KIF18A: variants seen among roughly 807,000 people sequenced by gnomAD.
The protein encoded by KIF18A is kinesin family member 18A.
A neutral mutation model predicts 103.3 loss-of-function variants in KIF18A; 67 were observed. That is an observed-to-expected ratio of 0.65 (90% confidence interval 0.53 to 0.79). KIF18A has a LOEUF of 0.79. Among genes scored for constraint, KIF18A ranks in the 30% least tolerant of loss-of-function variants. The pLI is 0.00. For missense variants in KIF18A, 1,032 were observed against 1,062.5 expected (o/e 0.97, Z 0.40); for synonymous variants, 367 against 355.5 (o/e 1.03, Z -0.36).
chr11:28,105,396 GCTTA>G (rs1851491076), intron 1 of KIF18A, among the ~76,000 whole-genome samples: 1 of 152,004 alleles, frequency 6.6e-6, no homozygotes. Context: ...TATATATATT[GCTTA>G]CTTTTTTAGA....
chr11:28,083,944 G>A (rs1029697030), intron 7 of KIF18A, among the ~76,000 whole-genome samples: 59 of 152,044 alleles, frequency 3.9e-4, no homozygotes, highest in African/African-American at 1.2e-3. Flanking sequence ...AGAGGGGAAA[G>A]GGAGAAGAGG....
At chr11:28,061,583 A>G (rs1850856637) in intron 12 of KIF18A, among the ~76,000 whole-genome samples, 1 of 152,176 alleles carries the variant, frequency 6.6e-6, no homozygotes, top group East Asian at 1.9e-4. Flanking sequence ...AGGAATAGAC[A>G]CAGAAAGTAT....
At chr11:28,031,273 T>C (rs949578536) in intron 15 of KIF18A, among the ~76,000 whole-genome samples, 3 of 152,014 alleles carry the variant, frequency 2.0e-5, no homozygotes, top group Admixed American at 6.6e-5. Context: ...CAAAGACTTG[T>C]ACCCAATCCA....
At chr11:28,076,953 AAAG>A in intron 10 of KIF18A, 51 bp downstream of exon 10, 4 of 911,224 alleles carry the variant, frequency 4.4e-6, no homozygotes, top group South Asian at 2.0e-5. Flanking sequence ...AAAAAAAAAA[AAAG>A]CCCCCATGTT....
intron 2 of KIF18A, among the ~76,000 whole-genome samples, chr11:28,096,093 G>A (rs1472425707): frequency 1.5e-5 from 2 of 136,810 alleles, no homozygotes; most frequent in Admixed American, 7.8e-5. Flanking sequence ...AATCAGTTAA[G>A]GCAATAACTT....
chr11:28,083,420 T>A (rs1163368762), intron 7 of KIF18A, among the ~76,000 whole-genome samples, 177 bp from the exon 8 acceptor site: 1 of 152,102 alleles, frequency 6.6e-6, no homozygotes, highest in Admixed American at 6.6e-5. Context: ...ATAATGTAAA[T>A]GAAATTATAA....
At position 28,077,061 on chromosome 11, in the gene KIF18A, T is replaced by A. The variant is rs1335161872; in HGVS notation, c.1371A>T (p.Gln457His). 1.3e-6 allele frequency: 2 copies of A among 1,579,206 alleles called. No homozygotes were observed. Among genetic ancestry groups the A allele is most frequent in the Non-Finnish European group, 1.7e-6 (2 of 1,164,460 alleles). Residue 457 changes from glutamine to histidine, a missense_variant, in exon 10 of 17, where the codon CAA (glutamine) becomes CAT (histidine). Coordinates refer to ENST00000263181, the MANE Select transcript of KIF18A (RefSeq NM_031217.4). ...TTTCTATTTGTTTATGGCACTGTTG[T>A]TGGTAGAATGATTTAAGTTCATTTT... ...LKENELKSFY[Q>H]QQCHKQIEMM...
chr11:28,020,666 T>C lies in KIF18A; in HGVS notation c.*534A>G, dbSNP rs1850226709. ...ATATATCAAGTAGCAAGGGACAATA[T>C]TTTATTTGTGATGACTAAATAATAT... is the stretch of plus-strand genomic sequence containing the variant. On this transcript the variant is annotated 3_prime_UTR_variant, in exon 17 of 17. Transcript: ENST00000263181. The C allele has an allele frequency of 6.6e-6, 1 of 152,058 alleles. No homozygotes were observed. Among genetic ancestry groups the C allele is most frequent in the Non-Finnish European group, 1.5e-5 (1 of 67,992 alleles). The allele number at this position is 152,058 out of a possible 1,614,324, so 9.4% of individuals were successfully genotyped here.
chr11:28,067,994 A>G (rs1850957241), intron 11 of KIF18A, among the ~76,000 whole-genome samples: 1 of 152,210 alleles, frequency 6.6e-6, no homozygotes, highest in African/African-American at 2.4e-5. Context: ...GCTATTTACA[A>G]TAGCAAAGAC....
At chr11:28,042,410 A>G (rs1464796031) in intron 13 of KIF18A, among the ~76,000 whole-genome samples, 1 of 151,960 alleles carries the variant, frequency 6.6e-6, no homozygotes, top group Admixed American at 6.6e-5. Flanking sequence ...AGACAGTTCC[A>G]GGCATAGACA....
At chr11:28,044,898 TAAA>T (rs1244074677) in intron 13 of KIF18A, among the ~76,000 whole-genome samples, 3 of 151,946 alleles carry the variant, frequency 2.0e-5, no homozygotes, top group African/African-American at 7.2e-5. Context: ...CAGCTAAAAA[TAAA>T]AACAAAAACA....
intron 13 of KIF18A, among the ~76,000 whole-genome samples, chr11:28,053,034 T>A (rs1454008658): frequency 6.6e-6 from 1 of 152,262 alleles, no homozygotes; most frequent in Admixed American, 6.5e-5. Flanking sequence ...CTTTCAATGA[T>A]GAAAACCACA....
chr11:28,094,865 C>G (rs1851349414), intron 2 of KIF18A, 65 bp from the exon 3 acceptor site: 2 of 1,396,092 alleles, frequency 1.4e-6, no homozygotes, highest in Admixed American at 1.7e-5. Context: ...TATCTACTAT[C>G]TAGTGGATAG....
intron 13 of KIF18A, among the ~76,000 whole-genome samples, chr11:28,049,807 T>A (rs1850689974): frequency 6.6e-6 from 1 of 152,000 alleles, no homozygotes. Flanking sequence ...TGGATTCTTT[T>A]TAACAGCCTT....
chr11:28,027,387 A>G (rs1325210831), intron 15 of KIF18A, among the ~76,000 whole-genome samples: 1 of 151,740 alleles, frequency 6.6e-6, no homozygotes, highest in Non-Finnish European at 1.5e-5. Context: ...ATACCTAGGT[A>G]TGTTTCTCTT....
chr11:28,095,250 C>T (rs1851353751), intron 2 of KIF18A, among the ~76,000 whole-genome samples: 1 of 152,188 alleles, frequency 6.6e-6, no homozygotes, highest in South Asian at 2.1e-4. Flanking sequence ...CTACTGCTTC[C>T]TTGCTGTGAT....
intron 16 of KIF18A, among the ~76,000 whole-genome samples, chr11:28,023,330 T>C (rs755666221): frequency 2.8e-4 from 43 of 152,268 alleles, no homozygotes; most frequent in Non-Finnish European, 5.1e-4. Flanking sequence ...TAGTTACACA[T>C]TGAGTTAGAG....
intron 16 of KIF18A, 83 bp from the exon 17 acceptor site, chr11:28,021,365 A>T: frequency 8.9e-7 from 1 of 1,122,288 alleles, no homozygotes; most frequent in Non-Finnish European, 1.1e-6. Context: ...AAAAATTATG[A>T]CCATAGAAAG....
chr11:28,023,568 T>C (rs916200775), intron 16 of KIF18A, among the ~76,000 whole-genome samples, 173 bp downstream of exon 16: 1 of 152,186 alleles, frequency 6.6e-6, no homozygotes, highest in Non-Finnish European at 1.5e-5. Context: ...TAAATGCTTT[T>C]GTGTTTTAAA....
Sources: allele counts gnomAD v4.1 joint callset (sites outside exome capture counted in the v4.1 genomes callset), GRCh38; gene constraint gnomAD v4.1.1; transcripts MANE v1.5; gene names NCBI Gene and HGNC (gene_info 2026-07-23, HGNC 2026-07-21).